Variants in CDH11 observed in about 807,000 individuals in gnomAD.
CDH11 encodes cadherin 11, also known as cadherin-11.
In CDH11, 11 loss-of-function variants were observed where a neutral mutation model predicts 67.8. That is an observed-to-expected ratio of 0.16 (90% CI 0.10 to 0.27). The LOEUF is 0.27. Among genes scored for constraint, CDH11 ranks in the 10% least tolerant of loss-of-function variants. The pLI is 1.00. For missense variants in CDH11, 847 were observed against 1,031.2 expected (o/e 0.82, Z 2.45); for synonymous variants, 419 against 400.0 (o/e 1.05, Z -0.57).
chr16:65,111,087 A>G (rs1341275120), intron 1 of CDH11, among the ~76,000 whole-genome samples: 2 of 152,330 alleles, frequency 1.3e-5, no homozygotes, highest in South Asian at 2.1e-4. Context: ...ACCAACCCAT[A>G]GCATGAGACT....
chr16:65,007,131 G>C (rs758432069), intron 2 of CDH11: 3 of 152,198 alleles, frequency 2.0e-5, no homozygotes, highest in Non-Finnish European at 4.4e-5. Flanking sequence ...AAAAGAATTG[G>C]TGAAATTATA....
chr16:65,087,095 A>T (rs1440114571), intron 1 of CDH11, among the ~76,000 whole-genome samples: 1 of 152,198 alleles, frequency 6.6e-6, no homozygotes, highest in Admixed American at 6.5e-5. Context: ...CTTCGGAGTT[A>T]GGTGTGAATT....
rs1359973226 is a variant in CDH11, at chr16:65,036,851, T to A, written c.-173+16953A>T. Among the ~76,000 whole-genome samples, 4 of 152,278 alleles carry A rather than the reference T, an allele frequency of 2.6e-5. No homozygotes were observed. The East Asian group carries it at 5.8e-4, about 22-fold the overall frequency. On this transcript the variant is annotated intron_variant, in intron 2 of 12. Coordinates refer to ENST00000268603, the MANE Select transcript of CDH11 (RefSeq NM_001797.4). Reference sequence around the variant, plus strand: ...TTGGGTCCCATACTGTTTGCAAACATCTGCCACTTGACTCTCTGCCTGAAA... The same window carrying A: ...TTGGGTCCCATACTGTTTGCAAACAACTGCCACTTGACTCTCTGCCTGAAA...
chr16:65,076,799 T>C (rs191924882), intron 1 of CDH11, among the ~76,000 whole-genome samples: 3 of 151,956 alleles, frequency 2.0e-5, no homozygotes, highest in African/African-American at 7.3e-5. Context: ...TGTTCCTGTG[T>C]TAATTTGCTG....
Position 64,944,616 on chromosome 16 carries a change from T to G in CDH11, c.*2987A>C. On this transcript the variant is annotated 3_prime_UTR_variant, in exon 13 of 13. Transcript: ENST00000268603. Reference sequence around the variant, plus strand: ...GCAGTTTCAAATACTCCTGACCTGGTTCCACCTGACATACAGAGCCATGAT... The same window carrying G: ...GCAGTTTCAAATACTCCTGACCTGGGTCCACCTGACATACAGAGCCATGAT... The G allele has an allele frequency of 4.3e-6, 1 of 231,968 alleles. No individual in the cohort carries two copies. Among genetic ancestry groups the G allele is most frequent in the African/African-American group, 2.2e-5 (1 of 45,376 alleles). The allele number at this position is 231,968 out of a possible 1,614,324, so 14.4% of individuals were successfully genotyped here. A position where few individuals can be genotyped will look rare whatever the true frequency, so the allele number is the denominator to read the frequency against.
At chr16:64,984,375 G>A (rs2072431493) in intron 7 of CDH11, among the ~76,000 whole-genome samples, 1 of 152,204 alleles carries the variant, frequency 6.6e-6, no homozygotes, top group Admixed American at 6.5e-5. Flanking sequence ...GAAGAGTGGG[G>A]CTGATAGATG....
At chr16:65,057,446 T>C (rs1331064112) in intron 1 of CDH11, among the ~76,000 whole-genome samples, 1 of 152,178 alleles carries the variant, frequency 6.6e-6, no homozygotes, top group Non-Finnish European at 1.5e-5. Context: ...CAGTACATGC[T>C]ATATACTATT....
chr16:65,004,984 G>C lies in CDH11; in HGVS notation c.-115C>G, dbSNP rs573667994. ...CGTCACGCAGACCTCTCTTGGGATG[G>C]AATGTCTCTGCTGGTTGAGCTCATC... On this transcript the variant is annotated 5_prime_UTR_variant, in exon 3 of 13. Coordinates refer to ENST00000268603, the MANE Select transcript of CDH11 (RefSeq NM_001797.4). 9 of 1,424,232 alleles carry C rather than the reference G, an allele frequency of 6.3e-6. No individual in the cohort carries two copies. The Admixed American group carries it at 2.5e-4, about 39-fold the overall frequency. The allele number at this position is 1,424,232 out of a possible 1,614,324, so 88.2% of individuals were successfully genotyped here. A position where few individuals can be genotyped will look rare whatever the true frequency, so the allele number is the denominator to read the frequency against.
chr16:65,113,676 T>C (rs1329059861), intron 1 of CDH11, among the ~76,000 whole-genome samples: 1 of 151,826 alleles, frequency 6.6e-6, no homozygotes. Flanking sequence ...GTCTGGAAAC[T>C]GTATCTCATC....
intron 10 of CDH11, 24 bp downstream of exon 10, chr16:64,971,907 C>A (rs1251649617): frequency 1.2e-6 from 2 of 1,612,840 alleles, no homozygotes; most frequent in Non-Finnish European, 8.5e-7. Flanking sequence ...TGTTCCTAGC[C>A]AAGAATAGGG....
At chr16:65,105,120 T>G (rs2075046693) in intron 1 of CDH11, among the ~76,000 whole-genome samples, 1 of 144,304 alleles carries the variant, frequency 6.9e-6, no homozygotes, top group Admixed American at 7.0e-5. Flanking sequence ...AGCATCAAGT[T>G]ACAATATTTT....
At chr16:65,091,780 C>T (rs927585785) in intron 1 of CDH11, among the ~76,000 whole-genome samples, 5 of 152,000 alleles carry the variant, frequency 3.3e-5, no homozygotes, top group African/African-American at 1.2e-4. Context: ...CTCGATCTCC[C>T]AACCTCGTGA....
At chr16:64,960,421 A>T (rs1040526838) in intron 11 of CDH11, among the ~76,000 whole-genome samples, 5 of 152,196 alleles carry the variant, frequency 3.3e-5, no homozygotes, top group Admixed American at 2.6e-4. Context: ...CTGGCCTCAC[A>T]GAGCTCAGAT....
chr16:65,098,882 T>C (rs946590836), intron 1 of CDH11, among the ~76,000 whole-genome samples: 5 of 152,072 alleles, frequency 3.3e-5, no homozygotes, highest in Non-Finnish European at 5.9e-5. Context: ...GTCTTCTAAA[T>C]TTTTCTAAAT....
At chr16:64,967,348 G>A (rs1567495513) in intron 11 of CDH11, among the ~76,000 whole-genome samples, 1 of 152,094 alleles carries the variant, frequency 6.6e-6, no homozygotes, top group African/African-American at 2.4e-5. Flanking sequence ...CTCCCGAGTA[G>A]CTGGGGCTGC....
Position 64,944,426 on chromosome 16 carries a change from C to A in CDH11, c.*3177G>T. ...GACCTTTGCAAAAGCCCTCCTGGGG[C>A]ACACCTCTGGGTTTATATGCTCCTA... On this transcript the variant is annotated 3_prime_UTR_variant, in exon 13 of 13. Coordinates refer to ENST00000268603, the MANE Select transcript of CDH11 (RefSeq NM_001797.4). 1 of 232,810 alleles carries A rather than the reference C, an allele frequency of 4.3e-6. No individual in the cohort carries two copies. The highest frequency in any genetic ancestry group is 8.5e-6 in the Non-Finnish European group (1 of 117,788). 14.4% of individuals were successfully genotyped at this position (232,810 alleles called of 1,614,324 possible).
chr16:64,973,579 A>T (rs973199), intron 8 of CDH11, among the ~76,000 whole-genome samples: 2 of 151,932 alleles, frequency 1.3e-5, no homozygotes, highest in African/African-American at 4.8e-5. Flanking sequence ...GCCAAGGCGG[A>T]TGGATCATTT....
intron 11 of CDH11, among the ~76,000 whole-genome samples, chr16:64,960,677 G>A (rs922127873): frequency 2.0e-5 from 3 of 152,062 alleles, no homozygotes; most frequent in African/African-American, 2.4e-5. Context: ...AACTTGACAT[G>A]GTTTCAAGTT....
chr16:65,070,222 C>G (rs2074392904), intron 1 of CDH11, among the ~76,000 whole-genome samples: 1 of 152,098 alleles, frequency 6.6e-6, no homozygotes, highest in African/African-American at 2.4e-5. Context: ...TCATTTGTCC[C>G]CAGGATATTC....
Sources: gnomAD v4.1 joint callset for allele counts (sites outside exome capture counted in the v4.1 genomes callset) on GRCh38, gnomAD v4.1.1 for gene constraint, MANE v1.5 for transcripts, NCBI Gene and HGNC (gene_info 2026-07-23, HGNC 2026-07-21) for gene names.